The following RYR2 variants were observed in gnomAD, a reference collection of about 807,000 sequenced individuals.
RYR2 encodes cardiac muscle ryanodine receptor-calcium release channel.
In RYR2, 227 loss-of-function variants were observed where a neutral mutation model predicts 601.1. The observed-to-expected ratio is 0.38, with a 90% CI of 0.34 to 0.42. The LOEUF (loss-of-function observed/expected upper bound fraction) is 0.42. RYR2 is among the 10% of genes least tolerant of loss of function. RYR2 has a pLI of 1.00. For synonymous variants in RYR2, 2,223 were observed against 2,175.1 expected (o/e 1.02, Z -0.61); for missense variants, 4,646 against 6,156.5 (o/e 0.75, Z 8.21).
chr1:237,750,060 C>T (rs1322923016), intron 80 of RYR2, among the ~76,000 whole-genome samples: 5 of 152,204 alleles, frequency 3.3e-5, no homozygotes, highest in East Asian at 3.9e-4. Context: ...GCACAGGAAT[C>T]GCTTGAACCC....
intron 1 of RYR2, among the ~76,000 whole-genome samples, chr1:237,174,185 T>C (rs1677751780): frequency 6.6e-6 from 1 of 152,248 alleles, no homozygotes; most frequent in African/African-American, 2.4e-5. Flanking sequence ...TCATTCAATC[T>C]AGTTTAATAT....
intron 12 of RYR2, among the ~76,000 whole-genome samples, chr1:237,437,955 A>G (rs1572330974): frequency 6.6e-6 from 1 of 152,152 alleles, no homozygotes; most frequent in South Asian, 2.1e-4. Context: ...TAAATTTTAT[A>G]TAGTCTTTTG....
Position 237,418,999 on chromosome 1 carries a change from A to G in RYR2, c.848+1876A>G, listed in dbSNP as rs144307848. ...ACTCATAGCTTTTATATATTTTGTGATTATTCAGATAATTTAAGGAAAGGG... is the reference window on the plus strand; with the variant it reads ...ACTCATAGCTTTTATATATTTTGTGGTTATTCAGATAATTTAAGGAAAGGG... On this transcript the variant is annotated intron_variant, in intron 11 of 104. Coordinates refer to ENST00000366574, the MANE Select transcript of RYR2 (RefSeq NM_001035.3). Among the ~76,000 whole-genome samples, 85 of 152,112 alleles carry G rather than the reference A, an allele frequency of 5.6e-4. 1 individual carries two copies. In the East Asian group the frequency reaches 0.013, roughly 23 times the overall value.
At chr1:237,574,361 T>G (rs1409809403) in intron 29 of RYR2, among the ~76,000 whole-genome samples, 1 of 152,174 alleles carries the variant, frequency 6.6e-6, no homozygotes, top group African/African-American at 2.4e-5. Context: ...CAGTGTTCAC[T>G]CTTATGGACA....
At position 237,462,395 on chromosome 1, in the gene RYR2, A is replaced by G. The variant is rs73108478; in HGVS notation, c.1612+5660A>G. Among the ~76,000 whole-genome samples, 1,334 of 152,294 alleles carry G rather than the reference A, an allele frequency of 8.8e-3. 27 individuals are homozygous for G. The East Asian group carries it at 0.095, about 11-fold the overall frequency. On this transcript the variant is annotated intron_variant, in intron 16 of 104. Coordinates refer to ENST00000366574, the MANE Select transcript of RYR2 (RefSeq NM_001035.3). Reference sequence around the variant, plus strand: ...TAGATTTGTGAGCCTACTGTTTGGAATACCTCAGGATCTTAGAAACAGCGA... The same window carrying G: ...TAGATTTGTGAGCCTACTGTTTGGAGTACCTCAGGATCTTAGAAACAGCGA...
intron 58 of RYR2, among the ~76,000 whole-genome samples, chr1:237,673,410 CAT>C (rs1685129147): frequency 6.6e-6 from 1 of 151,672 alleles, no homozygotes; most frequent in Non-Finnish European, 1.5e-5. Flanking sequence ...TTTAAATTTA[CAT>C]ATTTTCTAGA....
At chr1:237,687,405 A>G (rs756583513) in intron 62 of RYR2, 50 bp from the exon 63 acceptor site, 4 of 552,584 alleles carry the variant, frequency 7.2e-6, no homozygotes, top group East Asian at 4.4e-5. Context: ...TGTCTTTTCT[A>G]CCTTCCCTTC....
At chr1:237,760,814 C>CAAGGAATGGAGACATGT in intron 83 of RYR2, 141 bp from the exon 84 acceptor site, 1 of 611,044 alleles carries the variant, frequency 1.6e-6, no homozygotes. Flanking sequence ...GGTTGGTACG[C>CAAGGAATGGAGACATGT]AATGAATGGA....
intron 1 of RYR2, among the ~76,000 whole-genome samples, chr1:237,064,669 C>G (rs1308667825): frequency 6.6e-6 from 1 of 151,602 alleles, no homozygotes; most frequent in African/African-American, 2.4e-5. Context: ...TATTGCCCTT[C>G]CTAGTAGGTA....
intron 24 of RYR2, among the ~76,000 whole-genome samples, chr1:237,525,538 C>T (rs1211230333): frequency 6.6e-6 from 1 of 151,912 alleles, no homozygotes; most frequent in South Asian, 2.1e-4. Context: ...GAAACTTCTG[C>T]TTCCCAGGTT....
chr1:237,669,049 G>T (rs1399735019), intron 58 of RYR2, among the ~76,000 whole-genome samples: 8 of 150,842 alleles, frequency 5.3e-5, no homozygotes, highest in African/African-American at 1.9e-4. Context: ...GTGTCCCTGG[G>T]TACTTGAGAT....
At chr1:237,587,772 G>A (rs1674695886) in intron 29 of RYR2, among the ~76,000 whole-genome samples, 1 of 152,144 alleles carries the variant, frequency 6.6e-6, no homozygotes, top group Admixed American at 6.5e-5. Context: ...ATGCAGAAAA[G>A]TTTAGGTATT....
chr1:237,689,801 C>T (rs965816272), intron 63 of RYR2, among the ~76,000 whole-genome samples: 4 of 150,906 alleles, frequency 2.7e-5, no homozygotes, highest in African/African-American at 9.7e-5. Context: ...CTTTATTAAT[C>T]AAACATCTAG....
At chr1:237,705,689 T>C (rs1187377198) in intron 67 of RYR2, among the ~76,000 whole-genome samples, 7 of 152,176 alleles carry the variant, frequency 4.6e-5, no homozygotes, top group Non-Finnish European at 1.0e-4. Context: ...CCCAGGTTTC[T>C]CTTCTGGGTG....
At chr1:237,426,802 A>C (rs1706205529) in intron 12 of RYR2, among the ~76,000 whole-genome samples, 1 of 152,186 alleles carries the variant, frequency 6.6e-6, no homozygotes, top group Non-Finnish European at 1.5e-5. Flanking sequence ...TCTTGAGCTC[A>C]GGAATTTGTG....
intron 1 of RYR2, among the ~76,000 whole-genome samples, chr1:237,091,018 GA>G (rs1440070545): frequency 2.0e-5 from 3 of 152,110 alleles, no homozygotes; most frequent in Admixed American, 6.6e-5. Flanking sequence ...TTTATTTTTG[GA>G]ACGACTTTCA....
chr1:237,734,430 C>T (rs997095513), intron 79 of RYR2, among the ~76,000 whole-genome samples: 3 of 152,166 alleles, frequency 2.0e-5, no homozygotes, highest in Non-Finnish European at 4.4e-5. Context: ...TTGTCCCTCC[C>T]TTGACACTTG....
chr1:237,167,968 AT>A (rs1558355132), intron 1 of RYR2, among the ~76,000 whole-genome samples: 1 of 152,212 alleles, frequency 6.6e-6, no homozygotes, highest in East Asian at 1.9e-4. Flanking sequence ...TAGTCAGGAA[AT>A]AAGCTGAATT....
chr1:237,311,232 A>G (rs1318450334), intron 2 of RYR2, among the ~76,000 whole-genome samples: 1 of 152,190 alleles, frequency 6.6e-6, no homozygotes, highest in African/African-American at 2.4e-5. Flanking sequence ...ATAAAAGCTG[A>G]TATTTCTCCA....
Sources: gnomAD v4.1 joint callset for allele counts (sites outside exome capture counted in the v4.1 genomes callset) on GRCh38, gnomAD v4.1.1 for gene constraint, MANE v1.5 for transcripts, NCBI Gene and HGNC (gene_info 2026-07-23, HGNC 2026-07-21) for gene names.